PUM1: variants seen among roughly 807,000 people sequenced by gnomAD.
PUM1 encodes the protein pumilio RNA binding family member 1, also known as pumilio homolog 1.
In PUM1, 13 loss-of-function variants were observed where a neutral mutation model predicts 131.8. That is an observed-to-expected ratio of 0.10 (90% CI 0.06 to 0.16). The LOEUF (loss-of-function observed/expected upper bound fraction) is 0.16, where lower values mean the gene tolerates loss of function less well. Ranked by LOEUF, PUM1 falls within the 10% of genes least tolerant of loss-of-function variation. The pLI is 1.00. For synonymous variants in PUM1, 509 were observed against 556.5 expected (o/e 0.91, Z 1.20); for missense variants, 961 against 1,512.4 (o/e 0.64, Z 6.05).
intron 7 of PUM1, among the ~76,000 whole-genome samples, chr1:30,983,118 G>T (rs1464777905): frequency 1.3e-5 from 2 of 152,208 alleles, no homozygotes; most frequent in African/African-American, 2.4e-5. Context: ...GTAACAGTGT[G>T]CTTGTGATTT....
chr1:31,018,323 T>C (rs548304020), intron 3 of PUM1, among the ~76,000 whole-genome samples: 23 of 151,658 alleles, frequency 1.5e-4, no homozygotes, highest in African/African-American at 5.6e-4. Context: ...CACTCAAGCC[T>C]GGATGACAGA....
Position 30,953,924 on chromosome 1 carries a change from T to C in PUM1, c.2381A>G (p.Lys794Arg), listed in dbSNP as rs767434235. 5 of 1,614,122 alleles carry C rather than the reference T, an allele frequency of 3.1e-6. No homozygotes were observed. The highest frequency in any genetic ancestry group is 4.2e-6 in the Non-Finnish European group (5 of 1,180,048). ...GGAGGCGCTGCTTGCACTGCGGTAC[T>C]TGGCTTCAGCGCCTGGAGCAGCAGA... ...YISAAPGAEAKYRSASSASSL... is the reference protein window; with the variant it reads ...YISAAPGAEARYRSASSASSL... The change falls in exon 15 of 22, where the codon AAG becomes AGG. Residue 794 changes from lysine (K) to arginine (R), a missense_variant. Transcript: ENST00000426105.
chr1:31,013,068 T>C (rs960490834), intron 3 of PUM1, among the ~76,000 whole-genome samples: 2 of 152,146 alleles, frequency 1.3e-5, no homozygotes, highest in African/African-American at 4.8e-5. Flanking sequence ...TAGCAGCCAA[T>C]AGACATCACA....
At chr1:30,969,331 A>AAAG (rs1380199176) in intron 10 of PUM1, among the ~76,000 whole-genome samples, 39 of 148,158 alleles carry the variant, frequency 2.6e-4, no homozygotes, top group Non-Finnish European at 5.1e-4. Context: ...AAAAAAAAAA[A>AAAG]AAAAAGAAAA....
intron 17 of PUM1, among the ~76,000 whole-genome samples, chr1:30,947,152 G>C (rs750479461): frequency 1.3e-5 from 2 of 152,206 alleles, no homozygotes; most frequent in African/African-American, 2.4e-5. Flanking sequence ...TATAGACCTA[G>C]ATTCCCAACA....
At chr1:30,963,607 A>C (rs1640507654) in intron 14 of PUM1, among the ~76,000 whole-genome samples, 1 of 152,152 alleles carries the variant, frequency 6.6e-6, no homozygotes, top group African/African-American at 2.4e-5. Flanking sequence ...GAATCTTATA[A>C]ATCACTTTCT....
At position 30,967,148 on chromosome 1, in the gene PUM1, C is replaced by T. The variant is rs771224577; in HGVS notation, c.1789+19G>A. 6.2e-7 allele frequency: 1 copy of T among 1,610,560 alleles called. No individual in the cohort carries two copies. The highest frequency in any genetic ancestry group is 2.2e-5 in the East Asian group (1 of 44,812). ...CACTTTTAGATCTCTGGCAGGAGTC[C>T]ACTCAGATGTGCGCTCACCTGCTTG... On this transcript the variant is annotated intron_variant, in intron 12 of 21. Coordinates refer to ENST00000426105, the MANE Select transcript of PUM1 (RefSeq NM_001020658.2).
chr1:30,979,842 A>G (rs1401421091), intron 9 of PUM1, among the ~76,000 whole-genome samples: 1 of 152,144 alleles, frequency 6.6e-6, no homozygotes, highest in Non-Finnish European at 1.5e-5. Flanking sequence ...AAAAACACAT[A>G]TGCAAGGCGT....
intron 18 of PUM1, among the ~76,000 whole-genome samples, chr1:30,943,893 C>T (rs1639562571): frequency 6.6e-6 from 1 of 152,116 alleles, no homozygotes; most frequent in African/African-American, 2.4e-5. Context: ...TGTCTACTGG[C>T]AATTTGTGTT....
Position 30,968,427 on chromosome 1 carries a change from C to T in PUM1, c.1572G>A (p.Thr524=), listed in dbSNP as rs781471570. The change falls in exon 11 of 22, where the codon ACG becomes ACA. Residue 524 remains threonine, a synonymous_variant. Coordinates refer to ENST00000426105, the MANE Select transcript of PUM1 (RefSeq NM_001020658.2). ...TPNQNQQGQQ[T]DPLVAAAAVN... is the part of the protein sequence containing the mutation. ...CTGCTGCAGCTGCCACAAGGGGATC[C>T]GTTTGCTGTCCCTGCTGGTTCTGGT... 6.2e-6 allele frequency: 10 copies of T among 1,600,684 alleles called. No individual in the cohort carries two copies. Among genetic ancestry groups the T allele is most frequent in the Admixed American group, 5.4e-5 (3 of 55,946 alleles).
intron 20 of PUM1, among the ~76,000 whole-genome samples, chr1:30,938,924 CAGACAGACAGACAGACAGACAGAT>C (rs1211951890): frequency 1.4e-4 from 15 of 107,686 alleles, no homozygotes; most frequent in African/African-American, 4.2e-4. Context: ...GACAGACAGA[CAGACAGACAGACAGACAGACAGAT>C]AGACAGATAG....
intron 2 of PUM1, among the ~76,000 whole-genome samples, chr1:31,044,351 G>A (rs1440322631): frequency 6.6e-6 from 1 of 152,134 alleles, no homozygotes; most frequent in Non-Finnish European, 1.5e-5. Flanking sequence ...GCAGTGAGCT[G>A]AGATCGTGCC....
intron 14 of PUM1, among the ~76,000 whole-genome samples, chr1:30,955,913 T>C (rs1199677814): frequency 6.6e-6 from 1 of 152,222 alleles, no homozygotes; most frequent in East Asian, 1.9e-4. Flanking sequence ...GTTAGAAGTT[T>C]TTCATATACA....
In PUM1 at chr1:30,995,474, ATTTTCTTCCTTCCTTTT is replaced by A. The variant is rs528056987; in HGVS notation, c.721-271_721-255del. ...ACTATATCCAATGTCCCACCAACCC[ATTTTCTTCCTTCCTTTT>A]TTTTCTTCCTTCCTTTTTTTTCTTC... On this transcript the variant is annotated intron_variant, in intron 5 of 21. Coordinates refer to ENST00000426105, the MANE Select transcript of PUM1 (RefSeq NM_001020658.2). Among the ~76,000 whole-genome samples, 28 of 151,694 alleles carry A rather than the reference ATTTTCTTCCTTCCTTTT, an allele frequency of 1.8e-4. No individual in the cohort carries two copies. In the South Asian group the frequency reaches 3.5e-3, roughly 19 times the overall value.
intron 3 of PUM1, among the ~76,000 whole-genome samples, chr1:31,025,422 C>T (rs1292000466): frequency 2.0e-5 from 3 of 152,228 alleles, no homozygotes; most frequent in African/African-American, 4.8e-5. Flanking sequence ...GATGCACACG[C>T]GCATAGGTGC....
chr1:30,940,724 G>A (rs1269452786), intron 20 of PUM1, among the ~76,000 whole-genome samples: 3 of 152,074 alleles, frequency 2.0e-5, no homozygotes, highest in Non-Finnish European at 4.4e-5. Context: ...AATAACTACT[G>A]CATTTCATTC....
intron 3 of PUM1, among the ~76,000 whole-genome samples, chr1:31,026,684 G>A (rs1251110378): frequency 2.6e-5 from 4 of 152,196 alleles, no homozygotes; most frequent in Non-Finnish European, 5.9e-5. Flanking sequence ...CTTACTAGAT[G>A]TGTTACCTTT....
chr1:30,970,297 T>TTG (rs1360474086), intron 10 of PUM1, among the ~76,000 whole-genome samples: 1 of 152,220 alleles, frequency 6.6e-6, no homozygotes, highest in Non-Finnish European at 1.5e-5. Context: ...ATTAAATATT[T>TTG]GTTAAGTGAG....
chr1:30,946,864 ACAC>A (rs1206269597), intron 17 of PUM1, among the ~76,000 whole-genome samples: 1 of 151,970 alleles, frequency 6.6e-6, no homozygotes, highest in African/African-American at 2.4e-5. Flanking sequence ...AGCTACGGTA[ACAC>A]CACCAGAAGC....
Sources: gnomAD v4.1 joint callset for allele counts (sites outside exome capture counted in the v4.1 genomes callset) on GRCh38, gnomAD v4.1.1 for gene constraint, MANE v1.5 for transcripts, NCBI Gene and HGNC (gene_info 2026-07-23, HGNC 2026-07-21) for gene names.